Variants in CHST8 observed in about 807,000 individuals in gnomAD.
CHST8 encodes carbohydrate sulfotransferase 8, also known as GALNAC-4-ST1.
CHST8 carries 10 observed loss-of-function variants against 15.0 expected under a neutral mutation model. That is an observed-to-expected ratio of 0.67 (90% confidence interval 0.41 to 1.13). The LOEUF (loss-of-function observed/expected upper bound fraction) is 1.13. Ranked by LOEUF, CHST8 falls within the 50% of genes most tolerant of loss-of-function variation. CHST8 has a pLI of 0.00. For synonymous variants in CHST8, 259 were observed against 256.6 expected (o/e 1.01, Z -0.09); for missense variants, 634 against 608.2 (o/e 1.04, Z -0.45).
At chr19:33,702,017 C>CT (rs1973347812) in intron 3 of CHST8, among the ~76,000 whole-genome samples, 1 of 152,194 alleles carries the variant, frequency 6.6e-6, no homozygotes, top group African/African-American at 2.4e-5. Flanking sequence ...GAGATGGAAT[C>CT]TCGCTGTGTC....
intron 3 of CHST8, among the ~76,000 whole-genome samples, chr19:33,735,530 C>CA (rs1306170176): frequency 2.0e-5 from 3 of 152,180 alleles, no homozygotes; most frequent in South Asian, 2.1e-4. Flanking sequence ...TGCAGCCATA[C>CA]AAAATCACAT....
chr19:33,758,075 T>C (rs1445628845), intron 3 of CHST8, among the ~76,000 whole-genome samples: 1 of 146,916 alleles, frequency 6.8e-6, no homozygotes, highest in Non-Finnish European at 1.5e-5. Flanking sequence ...CCGGGCAGTC[T>C]CTGGCCTTGT....
chr19:33,697,026 G>C (rs1212808366), intron 3 of CHST8, among the ~76,000 whole-genome samples: 3 of 151,696 alleles, frequency 2.0e-5, no homozygotes, highest in Non-Finnish European at 4.4e-5. Flanking sequence ...TGTATTTTTA[G>C]TAGAGATGGG....
At chr19:33,669,669 G>A (rs2145230596) in intron 2 of CHST8, among the ~76,000 whole-genome samples, 1 of 152,312 alleles carries the variant, frequency 6.6e-6, no homozygotes, top group Admixed American at 6.5e-5. Context: ...AACCTGCAGT[G>A]AGGGCAGCCA....
intron 3 of CHST8, among the ~76,000 whole-genome samples, chr19:33,767,856 C>T (rs1974882983): frequency 6.6e-6 from 1 of 152,086 alleles, no homozygotes; most frequent in African/African-American, 2.4e-5. Flanking sequence ...GCTGGAGTTG[C>T]TCTGCAAGGC....
In CHST8 at chr19:33,766,594, C is replaced by A. The variant is rs558044303; in HGVS notation, c.131-4819C>A. Among the ~76,000 whole-genome samples the A allele has an allele frequency of 9.8e-5, 15 of 152,360 alleles. No homozygotes were observed. In the East Asian group the frequency reaches 1.9e-3, roughly 20 times the overall value. ...GCAGGGCAGAGGCCGGCAGCCTGGG[C>A]TGTCCGGGACAACAGTGTTCATCCC... is the stretch of plus-strand genomic sequence containing the variant. On this transcript the variant is annotated intron_variant, in intron 3 of 4. Coordinates refer to ENST00000650847, the MANE Select transcript of CHST8 (RefSeq NM_001127895.2).
At chr19:33,622,955 A>G (rs1469551708) in intron 1 of CHST8, among the ~76,000 whole-genome samples, 1 of 151,966 alleles carries the variant, frequency 6.6e-6, no homozygotes, top group East Asian at 1.9e-4. Context: ...CGGGGAAATG[A>G]TCCGTTTGGC....
intron 3 of CHST8, among the ~76,000 whole-genome samples, chr19:33,704,459 C>T (rs1209210883): frequency 6.6e-6 from 1 of 152,104 alleles, no homozygotes; most frequent in Admixed American, 6.5e-5. Flanking sequence ...CGGGAGACCA[C>T]AGGATGGGGG....
chr19:33,729,950 A>G (rs1421238623), intron 3 of CHST8, among the ~76,000 whole-genome samples: 2 of 152,242 alleles, frequency 1.3e-5, no homozygotes, highest in African/African-American at 2.4e-5. Context: ...AAAGAAAAAC[A>G]TCGTATATGA....
chr19:33,724,048 CT>C (rs2145314678), intron 3 of CHST8, among the ~76,000 whole-genome samples: 1 of 152,268 alleles, frequency 6.6e-6, no homozygotes, highest in East Asian at 1.9e-4. Flanking sequence ...GGGGTGAGGT[CT>C]TGCGTCTCAG....
intron 3 of CHST8, among the ~76,000 whole-genome samples, chr19:33,692,909 A>C (rs1470526352): frequency 1.3e-5 from 2 of 152,088 alleles, no homozygotes; most frequent in African/African-American, 4.8e-5. Context: ...GGCTGGCCCC[A>C]TCCATAGCAC....
chr19:33,721,969 ATGGATGGCTGTT>A (rs1246919538), intron 3 of CHST8, among the ~76,000 whole-genome samples: 1 of 149,614 alleles, frequency 6.7e-6, no homozygotes, highest in Admixed American at 6.6e-5. Context: ...AGATGGATGG[ATGGATGGCTGTT>A]TGGATGGATG....
chr19:33,645,823 A>G (rs1972348588), intron 1 of CHST8, among the ~76,000 whole-genome samples: 1 of 152,204 alleles, frequency 6.6e-6, no homozygotes, highest in Non-Finnish European at 1.5e-5. Context: ...GGAGTATTAC[A>G]GCAGAAAAAG....
At chr19:33,702,884 G>A (rs1259764904) in intron 3 of CHST8, among the ~76,000 whole-genome samples, 2 of 152,250 alleles carry the variant, frequency 1.3e-5, no homozygotes, top group Non-Finnish European at 2.9e-5. Flanking sequence ...CGGGTCTGGA[G>A]TGCTGGGACT....
chr19:33,727,899 G>A (rs1019961343), intron 3 of CHST8, among the ~76,000 whole-genome samples: 5 of 152,210 alleles, frequency 3.3e-5, no homozygotes, highest in African/African-American at 1.2e-4. Context: ...CCCTTCACTC[G>A]GCTGGGCTGT....
chr19:33,773,227 C>T lies in CHST8; in HGVS notation c.*164C>T. The T allele has an allele frequency of 1.3e-6, 1 of 788,774 alleles. No homozygotes were observed. The highest frequency in any genetic ancestry group is 2.7e-5 in the East Asian group (1 of 36,874). The allele number at this position is 788,774 out of a possible 1,614,324, so 48.9% of individuals were successfully genotyped here. On this transcript the variant is annotated 3_prime_UTR_variant, in exon 5 of 5. Coordinates refer to ENST00000650847, the MANE Select transcript of CHST8 (RefSeq NM_001127895.2). ...GCCCCGGGTGGGGGGCAGAGGCGCC[C>T]AGCCTTGGATGGGGACCCCAGCCCC...
Position 33,773,107 on chromosome 19 carries a change from C to T in CHST8, c.*44C>T, listed in dbSNP as rs760795177. On this transcript the variant is annotated 3_prime_UTR_variant, in exon 5 of 5. Coordinates refer to ENST00000650847, the MANE Select transcript of CHST8 (RefSeq NM_001127895.2). ...GGGGCCGCCCTGCCCCGGTCACTCA[C>T]CTGTGCTCCCGGGCATCCTCCTGTC... The T allele has an allele frequency of 7.2e-6, 11 of 1,534,418 alleles. No individual in the cohort carries two copies. The highest frequency in any genetic ancestry group is 9.6e-6 in the Non-Finnish European group (11 of 1,145,244).
intron 3 of CHST8, among the ~76,000 whole-genome samples, chr19:33,703,904 G>T (rs1973392343): frequency 6.6e-6 from 1 of 152,222 alleles, no homozygotes; most frequent in Non-Finnish European, 1.5e-5. Context: ...AATCGGTTCA[G>T]TTGTGCCCTC....
intron 3 of CHST8, among the ~76,000 whole-genome samples, chr19:33,754,996 G>A (rs1974517811): frequency 6.6e-6 from 1 of 152,202 alleles, no homozygotes; most frequent in African/African-American, 2.4e-5. Flanking sequence ...CAGCCCTGCA[G>A]AGCCATCCTA....
Sources: gnomAD v4.1 joint callset for allele counts (sites outside exome capture counted in the v4.1 genomes callset) on GRCh38, gnomAD v4.1.1 for gene constraint, MANE v1.5 for transcripts, NCBI Gene and HGNC (gene_info 2026-07-23, HGNC 2026-07-21) for gene names.